The following CAMK2D variants were observed in gnomAD, a reference collection of about 807,000 sequenced individuals.
CAMK2D encodes calcium/calmodulin-dependent protein kinase type II subunit delta.
CAMK2D carries 37 observed loss-of-function variants against 84.0 expected under a neutral mutation model. That is an observed-to-expected ratio of 0.44 (90% CI 0.34 to 0.58). CAMK2D has a LOEUF of 0.58. Ranked by LOEUF, CAMK2D falls within the 20% of genes least tolerant of loss-of-function variation. The pLI, the probability that CAMK2D is intolerant of heterozygous loss-of-function variation, is 0.02. For synonymous variants in CAMK2D, 202 were observed against 212.5 expected (o/e 0.95, Z 0.43); for missense variants, 448 against 652.5 (o/e 0.69, Z 3.41).
intron 8 of CAMK2D, 88 bp downstream of exon 8, chr4:113,531,128 A>C (rs1207483110): frequency 9.7e-6 from 7 of 724,578 alleles, no homozygotes; most frequent in Non-Finnish European, 1.8e-5. Context: ...TATTTAACCC[A>C]CTTGGTCTAT....
chr4:113,665,186 A>G (rs1175570539), intron 2 of CAMK2D, among the ~76,000 whole-genome samples: 1 of 152,170 alleles, frequency 6.6e-6, no homozygotes, highest in Non-Finnish European at 1.5e-5. Context: ...ATAATCACAT[A>G]ACTTAGTGAT....
At chr4:113,581,533 AG>A (rs1332960123) in intron 4 of CAMK2D, among the ~76,000 whole-genome samples, 2 of 140,348 alleles carry the variant, frequency 1.4e-5, no homozygotes, top group East Asian at 2.2e-4. Context: ...AAAAAAAAAA[AG>A]AAAAGAAAAG....
Position 113,453,061 on chromosome 4 carries a change from A to G in CAMK2D, c.*1484T>C, listed in dbSNP as rs1407727594. On this transcript the variant is annotated 3_prime_UTR_variant, in exon 21 of 21. Coordinates refer to ENST00000511664, the MANE Select transcript of CAMK2D (RefSeq NM_001321571.2). ...TTAAAATAACAATGATGGAGATTCC[A>G]TGCACTGTAAAGCACTTCAGGGAAG... The G allele has an allele frequency of 6.6e-6, 1 of 152,236 alleles. No individual in the cohort carries two copies. The highest frequency in any genetic ancestry group is 6.6e-5 in the Admixed American group (1 of 15,258). 9.4% of individuals were successfully genotyped at this position (152,236 alleles called of 1,614,324 possible). A position where few individuals can be genotyped will look rare whatever the true frequency, so the allele number is the denominator to read the frequency against.
intron 16 of CAMK2D, among the ~76,000 whole-genome samples, chr4:113,486,644 T>C (rs4833429): frequency 0.062 from 9,404 of 152,290 alleles, 593 homozygotes; most frequent in East Asian, 0.21. Flanking sequence ...TTTATGTTTT[T>C]CTTATACCCA....
intron 2 of CAMK2D, among the ~76,000 whole-genome samples, chr4:113,696,532 G>A (rs914900850): frequency 6.6e-6 from 1 of 152,028 alleles, no homozygotes; most frequent in African/African-American, 2.4e-5. Context: ...GTCTTCTCAA[G>A]GGTTGTTATT....
At chr4:113,635,645 C>A (rs2099107143) in intron 3 of CAMK2D, among the ~76,000 whole-genome samples, 1 of 152,124 alleles carries the variant, frequency 6.6e-6, no homozygotes, top group Admixed American at 6.6e-5. Context: ...TTGTACTTAA[C>A]CCTTACAAGA....
intron 3 of CAMK2D, among the ~76,000 whole-genome samples, chr4:113,623,002 A>AT (rs2099052699): frequency 1.3e-5 from 2 of 152,198 alleles, no homozygotes; most frequent in Admixed American, 1.3e-4. Context: ...GTCCATGAGC[A>AT]TAAGGATACG....
intron 4 of CAMK2D, among the ~76,000 whole-genome samples, chr4:113,586,021 G>T (rs1343050070): frequency 6.6e-6 from 1 of 152,102 alleles, no homozygotes. Context: ...TCTGACTGTA[G>T]TGGACCTATG....
intron 4 of CAMK2D, among the ~76,000 whole-genome samples, chr4:113,598,914 G>A (rs1406869273): frequency 3.9e-5 from 6 of 152,076 alleles, no homozygotes; most frequent in African/African-American, 1.2e-4. Context: ...TGATCTGCCT[G>A]CCTCAGCCTC....
chr4:113,476,041 A>T (rs1322059120), intron 16 of CAMK2D, among the ~76,000 whole-genome samples: 4 of 152,232 alleles, frequency 2.6e-5, no homozygotes, highest in Non-Finnish European at 5.9e-5. Context: ...TTATAATACA[A>T]ATAAAATAAT....
intron 16 of CAMK2D, among the ~76,000 whole-genome samples, chr4:113,473,757 G>C (rs1354832268): frequency 6.6e-6 from 1 of 152,130 alleles, no homozygotes; most frequent in African/African-American, 2.4e-5. Context: ...CTGTTAAATT[G>C]CTATAGCCTA....
At chr4:113,556,590 G>A (rs141855568) in intron 4 of CAMK2D, among the ~76,000 whole-genome samples, 4 of 152,194 alleles carry the variant, frequency 2.6e-5, no homozygotes, top group Non-Finnish European at 5.9e-5. Flanking sequence ...CCTGTATAAG[G>A]CAAGACTGTC....
intron 2 of CAMK2D, among the ~76,000 whole-genome samples, chr4:113,713,396 G>A (rs1357405659): frequency 6.8e-6 from 1 of 146,048 alleles, no homozygotes; most frequent in Admixed American, 6.7e-5. Context: ...AGTGTTACAT[G>A]ACATTAATAT....
intron 10 of CAMK2D, 95 bp downstream of exon 10, chr4:113,514,974 T>A: frequency 8.5e-7 from 1 of 1,174,848 alleles, no homozygotes; most frequent in Non-Finnish European, 1.2e-6. Context: ...AGTTTCATCT[T>A]TTTTTGCAAA....
intron 2 of CAMK2D, among the ~76,000 whole-genome samples, chr4:113,747,319 T>TTAAA (rs1554093408): frequency 0.012 from 1,782 of 147,338 alleles, 25 homozygotes; most frequent in Non-Finnish European, 0.015. Context: ...TTTTTTTTTT[T>TTAAA]AAATTCAATA....
At chr4:113,728,123 T>C (rs951280912) in intron 2 of CAMK2D, among the ~76,000 whole-genome samples, 2 of 152,138 alleles carry the variant, frequency 1.3e-5, no homozygotes, top group African/African-American at 4.8e-5. Context: ...AAGGCAAACA[T>C]ACATCTTACC....
intron 6 of CAMK2D, among the ~76,000 whole-genome samples, chr4:113,547,352 C>G (rs1399519604): frequency 6.6e-6 from 1 of 152,166 alleles, no homozygotes; most frequent in Non-Finnish European, 1.5e-5. Context: ...TCAAACCCTA[C>G]TGAAAGTCAC....
chr4:113,500,567 CCTT>C (rs2098023823), intron 15 of CAMK2D, 56 bp from the exon 16 acceptor site: 1 of 1,216,122 alleles, frequency 8.2e-7, no homozygotes, highest in Non-Finnish European at 1.2e-6. Flanking sequence ...TTGATTTCCT[CCTT>C]AAAAATTGGC....
chr4:113,761,332 G>T lies in CAMK2D; in HGVS notation c.-264C>A. On this transcript the variant is annotated 5_prime_UTR_variant, in exon 1 of 21. Transcript: ENST00000511664. The stretch of plus-strand genomic sequence containing the variant: ...CTCGCTTCCTTCTTCTCCACTGGAC[G>T]CTCCACCCGCCCCTTTTCCAGTCCC... The T allele has an allele frequency of 2.2e-6, 3 of 1,394,482 alleles. No homozygotes were observed. The highest frequency in any genetic ancestry group is 2.7e-5 in the East Asian group (1 of 36,728). The allele number at this position is 1,394,482 out of a possible 1,614,324, so 86.4% of individuals were successfully genotyped here.
Sources: gnomAD v4.1 joint callset for allele counts (sites outside exome capture counted in the v4.1 genomes callset) on GRCh38, gnomAD v4.1.1 for gene constraint, MANE v1.5 for transcripts, NCBI Gene and HGNC (gene_info 2026-07-23, HGNC 2026-07-21) for gene names.